Variants in CCL26 observed in about 807,000 individuals in gnomAD.
The protein encoded by CCL26 is C-C motif chemokine 26.
A neutral mutation model predicts 10.7 loss-of-function variants in CCL26; 10 were observed. That is an observed-to-expected ratio of 0.93 (90% CI 0.57 to 1.58). CCL26 has a LOEUF of 1.58. CCL26 is among the 40% of genes most tolerant of loss of function. The pLI is 0.00. For synonymous variants in CCL26, 43 were observed against 41.4 expected, an observed-to-expected ratio of 1.04 and a Z score of -0.15; for missense variants, 116 against 111.0, an observed-to-expected ratio of 1.05 and a Z score of -0.20.
intron 1 of CCL26, among the ~76,000 whole-genome samples, chr7:75,786,171 CCA>C (rs1167063845): frequency 2.0e-5 from 3 of 152,182 alleles, no homozygotes; most frequent in Non-Finnish European, 4.4e-5. Context: ...CCACATTATT[CCA>C]GATACAACAC....
In CCL26 at chr7:75,780,840, G is replaced by A. The variant is rs552184107; in HGVS notation, c.-78-8586C>T. On this transcript the variant is annotated intron_variant, in intron 1 of 3. Coordinates refer to the CCL26 transcript ENST00000394905. ...AGGTCCCAGTTTTTCCTCAGCCTCC[G>A]CTCCCCCACCCTACAATCCTTTTAT... 3.5e-4 allele frequency among the ~76,000 whole-genome samples: 53 copies of A among 151,962 alleles called. 1 individual carries two copies. In the South Asian group the frequency reaches 7.7e-3, roughly 22 times the overall value.
At chr7:75,790,533 A>C (rs1803310334), upstream of CCL26, among the ~76,000 whole-genome samples, 1 of 151,942 alleles carries the variant, frequency 6.6e-6, no homozygotes, top group African/African-American at 2.4e-5. Context: ...CCAAAGTGCT[A>C]GGATTACAGG....
chr7:75,782,578 C>T (rs1046616481), intron 1 of CCL26, among the ~76,000 whole-genome samples: 2 of 152,244 alleles, frequency 1.3e-5, no homozygotes, highest in African/African-American at 4.8e-5. Flanking sequence ...GAATTTAAAA[C>T]CTCTTCAACT....
upstream of CCL26, among the ~76,000 whole-genome samples, chr7:75,790,193 TTC>T (rs1803299369): frequency 1.0e-5 from 1 of 96,552 alleles, no homozygotes; most frequent in African/African-American, 4.1e-5. Context: ...CTTTCTTTCT[TTC>T]TTTCTTTCTT....
At chr7:75,787,142 A>C (rs1402630123) in intron 1 of CCL26, among the ~76,000 whole-genome samples, 1 of 152,142 alleles carries the variant, frequency 6.6e-6, no homozygotes, top group Non-Finnish European at 1.5e-5. Context: ...ACAGGGTCTG[A>C]GAAGGTCACT....
chr7:75,781,485 C>A (rs546162834), intron 1 of CCL26, among the ~76,000 whole-genome samples: 4 of 152,318 alleles, frequency 2.6e-5, no homozygotes, highest in African/African-American at 9.6e-5. Flanking sequence ...TCCTCCTAAG[C>A]CTTGTCCCAT....
upstream of CCL26, among the ~76,000 whole-genome samples, chr7:75,772,431 C>T (rs917273546): frequency 1.3e-4 from 20 of 152,044 alleles, no homozygotes; most frequent in Admixed American, 4.6e-4. Flanking sequence ...CCGAGGTGGG[C>T]GGATCCCTTG....
intron 2 of CCL26, among the ~76,000 whole-genome samples, chr7:75,770,598 CT>C (rs1802800307): frequency 6.6e-6 from 1 of 152,012 alleles, no homozygotes; most frequent in Admixed American, 6.6e-5. Flanking sequence ...TCAGGCTGGT[CT>C]CGAACTCCCA....
At position 75,769,699 on chromosome 7, in the gene CCL26, T is replaced by C. The variant is rs1802780591; in HGVS notation, c.279A>G (p.Gln93=). The part of the protein sequence containing the change: ...KYISLLKTPK[Q]L ...GGATGAAAATTCAGCTGAGTCACAA[T>C]TGTTTCGGAGTTTTCAGTAAAGAAA... The change falls in exon 3 of 3, where the codon CAA becomes CAG. Residue 93 remains glutamine (Q), a synonymous_variant. Coordinates refer to ENST00000005180, the MANE Select transcript of CCL26 (RefSeq NM_001371938.1). The C allele has an allele frequency of 1.2e-6, 2 of 1,605,072 alleles. No homozygotes were observed. Among genetic ancestry groups the C allele is most frequent in the African/African-American group, 1.3e-5 (1 of 74,800 alleles).
rs141348202 is a variant in CCL26 at position 75,784,000 on chromosome 7, A to G, written c.-79+5717T>C. 1.9e-3 allele frequency among the ~76,000 whole-genome samples: 287 copies of G among 152,284 alleles called. 1 individual carries two copies. Among genetic ancestry groups the G allele is most frequent in the Non-Finnish European group, 3.0e-3 (206 of 68,028 alleles). ...TTAAATTCCAGCCTCAAACCGCACA[A>G]TAGGACTTAATAACCTCGCCTTCAA... is the stretch of plus-strand genomic sequence containing the variant. On this transcript the variant is annotated intron_variant, in intron 1 of 3. Transcript: ENST00000394905.
At chr7:75,775,510 T>C (rs1337394222), upstream of CCL26, among the ~76,000 whole-genome samples, 2 of 152,128 alleles carry the variant, frequency 1.3e-5, no homozygotes, top group East Asian at 1.9e-4. Context: ...AGGGGAGTTA[T>C]TAAGCAGGGC....
chr7:75,781,695 C>T (rs1184880188), intron 1 of CCL26, among the ~76,000 whole-genome samples: 1 of 152,182 alleles, frequency 6.6e-6, no homozygotes, highest in Non-Finnish European at 1.5e-5. Context: ...TTTCCTGGCT[C>T]ATCCTGGCTC....
upstream of CCL26, among the ~76,000 whole-genome samples, chr7:75,773,687 C>T (rs782770537): frequency 6.5e-4 from 99 of 151,370 alleles, no homozygotes; most frequent in Middle Eastern, 0.017. Flanking sequence ...ATCAGCCTGG[C>T]GAACATGGTG....
chr7:75,787,990 T>C (rs1221835548), intron 1 of CCL26, among the ~76,000 whole-genome samples: 2 of 152,042 alleles, frequency 1.3e-5, no homozygotes, highest in Non-Finnish European at 2.9e-5. Context: ...ACAAAAATCT[T>C]CCTTCAACTT....
At chr7:75,791,091 A>C (rs548171933), upstream of CCL26, among the ~76,000 whole-genome samples, 194 of 139,654 alleles carry the variant, frequency 1.4e-3, no homozygotes, top group African/African-American at 5.0e-3. Context: ...CAATGGCACG[A>C]TCTCGGCTCA....
intron 1 of CCL26, among the ~76,000 whole-genome samples, chr7:75,787,712 A>T (rs1563341261): frequency 6.6e-6 from 1 of 151,656 alleles, no homozygotes; most frequent in Non-Finnish European, 1.5e-5. Flanking sequence ...ACTTAAAAAA[A>T]AAAATAAAAG....
chr7:75,782,888 CCTT>C (rs1388979243), intron 1 of CCL26, among the ~76,000 whole-genome samples: 21 of 152,204 alleles, frequency 1.4e-4, no homozygotes, highest in Non-Finnish European at 1.9e-4. Flanking sequence ...TCCTTTGAAT[CCTT>C]CTTTTCTATG....
intron 1 of CCL26, among the ~76,000 whole-genome samples, chr7:75,787,539 G>A (rs1316107707): frequency 6.6e-6 from 1 of 151,282 alleles, no homozygotes; most frequent in Non-Finnish European, 1.5e-5. Flanking sequence ...CAGCTACTCG[G>A]GAGGCTGAGG....
upstream of CCL26, among the ~76,000 whole-genome samples, chr7:75,774,948 G>A (rs371680574): frequency 3.3e-5 from 5 of 151,906 alleles, no homozygotes; most frequent in East Asian, 3.9e-4. Flanking sequence ...GGTCGGGCCC[G>A]GTGGCTCACC....
Sources: allele counts gnomAD v4.1 joint callset (sites outside exome capture counted in the v4.1 genomes callset), GRCh38; gene constraint gnomAD v4.1.1; transcripts MANE v1.5; gene names NCBI Gene and HGNC (gene_info 2026-07-23, HGNC 2026-07-21).